Variants in CFTR observed in about 807,000 individuals in gnomAD.
CFTR encodes the protein cystic fibrosis transmembrane conductance regulator.
In CFTR, 181 loss-of-function variants were observed where a neutral mutation model predicts 171.6. The observed-to-expected ratio is 1.05, with a 90% CI of 0.93 to 1.19. The LOEUF is 1.19. Ranked by LOEUF, CFTR falls within the 50% of genes most tolerant of loss-of-function variation. The pLI, the probability that CFTR is intolerant of heterozygous loss-of-function variation, is 0.00. For synonymous variants in CFTR, 583 were observed against 608.0 expected (o/e 0.96, Z 0.60); for missense variants, 1,968 against 1,734.7 (o/e 1.13, Z -2.39).
intron 6 of CFTR, 109 bp downstream of exon 6, chr7:117,535,520 A>T: frequency 1.3e-6 from 1 of 773,596 alleles, no homozygotes; most frequent in Non-Finnish European, 2.0e-6. Context: ...CTTCAGTGTC[A>T]TTAAATTTTT....
chr7:117,557,618 C>G (rs1799381490), intron 10 of CFTR, among the ~76,000 whole-genome samples: 1 of 151,876 alleles, frequency 6.6e-6, no homozygotes, highest in African/African-American at 2.4e-5. Context: ...TATAAAGAGC[C>G]TTTTCTTTTT....
At chr7:117,521,806 T>G (rs529264538) in intron 3 of CFTR, among the ~76,000 whole-genome samples, 1 of 152,312 alleles carries the variant, frequency 6.6e-6, no homozygotes, top group South Asian at 2.1e-4. Context: ...TCATTTAGTG[T>G]AATTACAAGC....
chr7:117,568,793 A>C (rs1791643038), intron 11 of CFTR, among the ~76,000 whole-genome samples: 1 of 152,166 alleles, frequency 6.6e-6, no homozygotes, highest in Non-Finnish European at 1.5e-5. Context: ...TTTCAAGTAT[A>C]GATTACATTT....
Position 117,535,331 on chromosome 7 carries a change from G to A in CFTR, c.663G>A (p.Ala221=), listed in dbSNP as rs758147990. ...LMGLIWELLQ[A]SAFCGLGFLI... Reference sequence around the variant, plus strand: ...GGCTAATCTGGGAGTTGTTACAGGCGTCTGCCTTCTGTGGACTTGGTTTCC... The same window carrying A: ...GGCTAATCTGGGAGTTGTTACAGGCATCTGCCTTCTGTGGACTTGGTTTCC... Residue 221 remains alanine (A), a synonymous_variant, in exon 6 of 27, where the codon GCG becomes GCA. Transcript: ENST00000003084. 93 of 1,613,928 alleles carry A rather than the reference G, an allele frequency of 5.8e-5. No individual in the cohort carries two copies. Among genetic ancestry groups the A allele is most frequent in the Non-Finnish European group, 7.1e-5 (84 of 1,179,986 alleles).
chr7:117,641,017 A>T (rs961951078), intron 22 of CFTR, among the ~76,000 whole-genome samples: 58 of 152,254 alleles, frequency 3.8e-4, no homozygotes, highest in Admixed American at 2.0e-3. Context: ...AAGAAAAAAT[A>T]AAAAAAGTAC....
chr7:117,590,676 A>AAGG (rs1349549761), intron 13 of CFTR, among the ~76,000 whole-genome samples: 1 of 152,056 alleles, frequency 6.6e-6, no homozygotes, highest in Non-Finnish European at 1.5e-5. Context: ...TCATTGCTAT[A>AAGG]CTGTTATAGC....
rs1798886569 is a variant in CFTR, at chr7:117,532,940, G to C, written c.490-1336G>C. On this transcript the variant is annotated intron_variant, in intron 4 of 26. Coordinates refer to ENST00000003084, the MANE Select transcript of CFTR (RefSeq NM_000492.4). ...TGACCTGTTTTGTCCTCATGGCCAGGATATGTGGGACCTTTCCTACAATGT... is the reference window on the plus strand; with the variant it reads ...TGACCTGTTTTGTCCTCATGGCCAGCATATGTGGGACCTTTCCTACAATGT... 3.3e-5 allele frequency among the ~76,000 whole-genome samples: 5 copies of C among 152,204 alleles called. 1 individual carries two copies. The highest frequency in any genetic ancestry group is 2.6e-4 in the Admixed American group (4 of 15,268).
chr7:117,633,475 C>T (rs555901256), intron 22 of CFTR, among the ~76,000 whole-genome samples: 4 of 152,112 alleles, frequency 2.6e-5, no homozygotes, highest in Admixed American at 2.0e-4. Flanking sequence ...TCTTCCTTCC[C>T]AATCTGTATA....
At chr7:117,607,787 A>G (rs1792324070) in intron 18 of CFTR, among the ~76,000 whole-genome samples, 1 of 152,228 alleles carries the variant, frequency 6.6e-6, no homozygotes, top group African/African-American at 2.4e-5. Flanking sequence ...TGATTGACAC[A>G]AACAAATATA....
At chr7:117,651,093 A>G (rs1374550457) in intron 23 of CFTR, among the ~76,000 whole-genome samples, 5 of 152,176 alleles carry the variant, frequency 3.3e-5, no homozygotes, top group Admixed American at 2.0e-4. Context: ...AAGAGGTAAC[A>G]TATAGAATGA....
chr7:117,609,072 T>A (rs1792343140), intron 18 of CFTR, among the ~76,000 whole-genome samples: 1 of 152,144 alleles, frequency 6.6e-6, no homozygotes, highest in African/African-American at 2.4e-5. Context: ...TCTCCCCATT[T>A]CCCTCTCTCC....
chr7:117,509,555 C>A (rs945647552), intron 3 of CFTR, among the ~76,000 whole-genome samples: 3 of 152,038 alleles, frequency 2.0e-5, no homozygotes, highest in African/African-American at 7.2e-5. Flanking sequence ...ATTTTGAAAT[C>A]ATATCTGCAT....
Position 117,531,047 on chromosome 7 carries a change from C to G in CFTR, c.422C>G (p.Ala141Gly). ...GTGAGGACACTGCTCCTACACCCAG[C>G]CATTTTTGGCCTTCATCACATTGGA... Reference protein sequence around the residue: ...FIVRTLLLHPAIFGLHHIGMQ... With the variant: ...FIVRTLLLHPGIFGLHHIGMQ... Residue 141 changes from alanine to glycine, a missense_variant, in exon 4 of 27, where the codon GCC (alanine) becomes GGC (glycine). Transcript: ENST00000003084. 6.2e-7 allele frequency: 1 copy of G among 1,613,726 alleles called. No homozygotes were observed. Among genetic ancestry groups the G allele is most frequent in the Non-Finnish European group, 8.5e-7 (1 of 1,179,838 alleles).
At chr7:117,608,848 TA>T (rs911073205) in intron 18 of CFTR, among the ~76,000 whole-genome samples, 15 of 151,988 alleles carry the variant, frequency 9.9e-5, no homozygotes, top group Admixed American at 2.6e-4. Flanking sequence ...TTTCTTTTTT[TA>T]AAAAAAAGTC....
At chr7:117,552,348 G>T (rs1799286985) in intron 10 of CFTR, among the ~76,000 whole-genome samples, 1 of 151,964 alleles carries the variant, frequency 6.6e-6, no homozygotes, top group Admixed American at 6.6e-5. Context: ...TTGTGTTTAG[G>T]TTTATAAAGC....
intron 11 of CFTR, among the ~76,000 whole-genome samples, chr7:117,584,360 T>C (rs1242813805): frequency 6.6e-6 from 1 of 152,110 alleles, no homozygotes; most frequent in African/African-American, 2.4e-5. Context: ...AAGGTGAGCA[T>C]TGAGGATCCA....
intron 3 of CFTR, among the ~76,000 whole-genome samples, chr7:117,522,828 T>A (rs563504270): frequency 6.6e-6 from 1 of 152,224 alleles, no homozygotes; most frequent in South Asian, 2.1e-4. Context: ...ACCAGTGTTT[T>A]TTCCAAATAA....
chr7:117,624,451 A>G (rs571312842), intron 21 of CFTR, among the ~76,000 whole-genome samples: 8 of 152,288 alleles, frequency 5.3e-5, no homozygotes, highest in Non-Finnish European at 1.0e-4. Context: ...ATATCAAGCC[A>G]TCTGTGCATA....
chr7:117,503,152 C>G (rs1295726910), intron 1 of CFTR, among the ~76,000 whole-genome samples: 1 of 152,154 alleles, frequency 6.6e-6, no homozygotes, highest in Non-Finnish European at 1.5e-5. Flanking sequence ...AATATCTTTT[C>G]TATAATGAAT....
Sources: gnomAD v4.1 joint callset for allele counts (sites outside exome capture counted in the v4.1 genomes callset) on GRCh38, gnomAD v4.1.1 for gene constraint, MANE v1.5 for transcripts, NCBI Gene and HGNC (gene_info 2026-07-23, HGNC 2026-07-21) for gene names.